The following NPAS3 variants were observed in gnomAD, a reference collection of about 807,000 sequenced individuals.
NPAS3 encodes neuronal PAS domain-containing protein 3.
A neutral mutation model predicts 73.1 loss-of-function variants in NPAS3; 14 were observed. The observed-to-expected ratio is 0.19, with a 90% CI of 0.13 to 0.30. The LOEUF (loss-of-function observed/expected upper bound fraction) is 0.30. Among genes scored for constraint, NPAS3 ranks in the 10% least tolerant of loss-of-function variants. The probability of loss-of-function intolerance (pLI) is 1.00; values close to 1 mark genes in which losing one functional copy is unlikely to be tolerated. For missense variants in NPAS3, 1,096 were observed against 1,250.0 expected (o/e 0.88, Z 1.86); for synonymous variants, 620 against 541.5 (o/e 1.14, Z -2.01).
At chr14:33,210,181 G>T (rs544505114) in intron 2 of NPAS3, among the ~76,000 whole-genome samples, 2 of 152,212 alleles carry the variant, frequency 1.3e-5, no homozygotes, top group African/African-American at 4.8e-5. Flanking sequence ...AACCACAAAG[G>T]ATAACTTACC....
At chr14:33,765,334 A>T (rs1304918312) in intron 7 of NPAS3, among the ~76,000 whole-genome samples, 1 of 151,824 alleles carries the variant, frequency 6.6e-6, no homozygotes, top group African/African-American at 2.4e-5. Flanking sequence ...AATTACCAGC[A>T]ATCTCTCAGC....
intron 3 of NPAS3, among the ~76,000 whole-genome samples, chr14:33,307,307 C>T (rs186176320): frequency 1.3e-5 from 2 of 152,198 alleles, no homozygotes; most frequent in African/African-American, 4.8e-5. Flanking sequence ...TACATATGTG[C>T]AACTGATACT....
chr14:33,471,259 G>A (rs553299495), intron 4 of NPAS3, among the ~76,000 whole-genome samples: 13 of 152,212 alleles, frequency 8.5e-5, no homozygotes, highest in Non-Finnish European at 1.5e-4. Context: ...GGCAAGTCAC[G>A]CTAGCTGGAG....
chr14:33,288,277 C>T (rs534468036), intron 3 of NPAS3, among the ~76,000 whole-genome samples: 1 of 152,128 alleles, frequency 6.6e-6, no homozygotes. Flanking sequence ...GGCCCTTGTG[C>T]ATTTTTCATA....
intron 6 of NPAS3, among the ~76,000 whole-genome samples, chr14:33,696,583 C>T (rs2060388237): frequency 6.6e-6 from 1 of 152,116 alleles, no homozygotes; most frequent in African/African-American, 2.4e-5. Flanking sequence ...CAGCAGCCTC[C>T]TGGATTTTTA....
chr14:33,547,871 A>G (rs1479198767), intron 4 of NPAS3, among the ~76,000 whole-genome samples: 1 of 152,184 alleles, frequency 6.6e-6, no homozygotes. Context: ...TTCTTCTTAA[A>G]TTATTGGGAC....
At chr14:33,172,283 G>T (rs1184641730) in intron 2 of NPAS3, among the ~76,000 whole-genome samples, 1 of 152,168 alleles carries the variant, frequency 6.6e-6, no homozygotes, top group Non-Finnish European at 1.5e-5. Context: ...CAGTATATGT[G>T]GTGCACAGTG....
chr14:33,258,639 A>G (rs1001462302), intron 3 of NPAS3, among the ~76,000 whole-genome samples: 1 of 152,176 alleles, frequency 6.6e-6, no homozygotes, highest in East Asian at 1.9e-4. Flanking sequence ...TGATGTTGTG[A>G]GTATTCATAG....
intron 6 of NPAS3, among the ~76,000 whole-genome samples, chr14:33,678,809 A>G (rs1051947148): frequency 1.3e-5 from 2 of 151,948 alleles, no homozygotes; most frequent in African/African-American, 4.8e-5. Context: ...ATCCTAGGCT[A>G]GAGTCTAAAT....
intron 3 of NPAS3, among the ~76,000 whole-genome samples, chr14:33,226,032 A>T (rs537649016): frequency 6.6e-6 from 1 of 152,298 alleles, no homozygotes; most frequent in African/African-American, 2.4e-5. Context: ...CAGGAGTGTG[A>T]TGTTGGCATG....
At chr14:33,134,739 T>C (rs2043771410) in intron 2 of NPAS3, among the ~76,000 whole-genome samples, 1 of 152,188 alleles carries the variant, frequency 6.6e-6, no homozygotes, top group Non-Finnish European at 1.5e-5. Flanking sequence ...AGCTGTGGTG[T>C]ATTGCTGGTA....
At chr14:32,939,270 G>A (rs576452392), upstream of NPAS3, 8 of 687,574 alleles carry the variant, frequency 1.2e-5, no homozygotes, top group East Asian at 7.6e-5. Context: ...CCACCCGGGA[G>A]GGGGGAGAGA....
chr14:33,553,547 T>C (rs2055219441), intron 4 of NPAS3, among the ~76,000 whole-genome samples: 1 of 152,168 alleles, frequency 6.6e-6, no homozygotes, highest in African/African-American at 2.4e-5. Context: ...ACTAATCCAA[T>C]TTGGTGTTGT....
At chr14:33,375,998 A>G (rs1204886186) in intron 4 of NPAS3, among the ~76,000 whole-genome samples, 1 of 152,178 alleles carries the variant, frequency 6.6e-6, no homozygotes, top group Non-Finnish European at 1.5e-5. Context: ...TTTCATACTT[A>G]CGGAATTGGT....
chr14:33,312,299 A>T (rs1262579705), intron 3 of NPAS3, among the ~76,000 whole-genome samples: 1 of 151,924 alleles, frequency 6.6e-6, no homozygotes, highest in African/African-American at 2.4e-5. Context: ...GTAAAGATGT[A>T]TTTCTAGATG....
At chr14:33,323,190 G>A (rs377150401) in intron 3 of NPAS3, among the ~76,000 whole-genome samples, 4 of 152,276 alleles carry the variant, frequency 2.6e-5, no homozygotes, top group African/African-American at 7.2e-5. Context: ...GCCCCTCTGG[G>A]ATAGCCTAAT....
intron 3 of NPAS3, among the ~76,000 whole-genome samples, chr14:33,235,805 CTTTTTTTT>C (rs35968798): frequency 1.1e-4 from 9 of 80,630 alleles, no homozygotes; most frequent in African/African-American, 2.5e-4. Flanking sequence ...TGATACAATT[CTTTTTTTT>C]TTTTTTTTTT....
chr14:33,512,308 T>A lies in NPAS3; in HGVS notation c.469-47813T>A, dbSNP rs534147737. Among the ~76,000 whole-genome samples the A allele has an allele frequency of 2.6e-5, 4 of 152,108 alleles. No individual in the cohort carries two copies. In the East Asian group the frequency reaches 7.8e-4, roughly 30 times the overall value. On this transcript the variant is annotated intron_variant, in intron 4 of 11. Transcript: ENST00000356141. Reference sequence around the variant, plus strand: ...CGCCCATTGAGGTCAGCATAGTCTGTGACATGGCATGTTGTTTTCCTGCCA... The same window carrying A: ...CGCCCATTGAGGTCAGCATAGTCTGAGACATGGCATGTTGTTTTCCTGCCA...
At chr14:33,338,245 C>CTG (rs1434662634) in intron 3 of NPAS3, among the ~76,000 whole-genome samples, 2 of 152,076 alleles carry the variant, frequency 1.3e-5, no homozygotes, top group African/African-American at 4.8e-5. Flanking sequence ...TGATAATCTT[C>CTG]TGTCTAAGCC....
Sources: allele counts gnomAD v4.1 joint callset (sites outside exome capture counted in the v4.1 genomes callset), GRCh38; gene constraint gnomAD v4.1.1; transcripts MANE v1.5; gene names NCBI Gene and HGNC (gene_info 2026-07-23, HGNC 2026-07-21).